ANKRD30BL: variants seen among roughly 807,000 people sequenced by gnomAD.
ANKRD30BL encodes putative ankyrin repeat domain-containing protein 30B-like.
ANKRD30BL carries 20 observed loss-of-function variants against 18.4 expected under a neutral mutation model. The observed-to-expected ratio is 1.09, with a 90% CI of 0.77 to 1.58. The LOEUF is 1.58. Ranked by LOEUF, ANKRD30BL falls within the 40% of genes most tolerant of loss-of-function variation. ANKRD30BL has a pLI of 0.00. For missense variants in ANKRD30BL, 224 were observed against 268.6 expected, an observed-to-expected ratio of 0.83 and a Z score of 1.16; for synonymous variants, 72 against 100.9, an observed-to-expected ratio of 0.71 and a Z score of 1.72.
intron 1 of ANKRD30BL, among the ~76,000 whole-genome samples, chr2:132,193,575 T>C (rs926469435): frequency 1.3e-5 from 2 of 152,030 alleles, no homozygotes; most frequent in African/African-American, 4.8e-5. Context: ...TAATCTACTA[T>C]TTGTATTACA....
At chr2:132,223,968 A>G (rs1249911736) in intron 1 of ANKRD30BL, among the ~76,000 whole-genome samples, 1 of 152,156 alleles carries the variant, frequency 6.6e-6, no homozygotes, top group Non-Finnish European at 1.5e-5. Flanking sequence ...ATATCTTCAC[A>G]TAAAAACTAG....
At chr2:132,211,809 A>T (rs1679359948) in intron 1 of ANKRD30BL, among the ~76,000 whole-genome samples, 1 of 150,392 alleles carries the variant, frequency 6.6e-6, no homozygotes, top group South Asian at 2.1e-4. Flanking sequence ...ACAGAGTTGA[A>T]CCTTTCTTTT....
chr2:132,215,192 C>G (rs1573850992), intron 1 of ANKRD30BL, among the ~76,000 whole-genome samples: 1 of 150,310 alleles, frequency 6.7e-6, no homozygotes, highest in Non-Finnish European at 1.5e-5. Flanking sequence ...TTCACATAAG[C>G]ACTAGACAGA....
intron 1 of ANKRD30BL, among the ~76,000 whole-genome samples, chr2:132,254,266 C>T (rs1216619576): frequency 1.3e-5 from 2 of 152,168 alleles, no homozygotes; most frequent in African/African-American, 2.4e-5. Context: ...CACGACTCCG[C>T]CCATGCATGC....
upstream of ANKRD30BL, among the ~76,000 whole-genome samples, chr2:132,162,720 G>A (rs55908164): frequency 2.6e-5 from 4 of 151,802 alleles, no homozygotes; most frequent in East Asian, 5.8e-4. Flanking sequence ...GAGGGTAGCC[G>A]TGTGGCACAC....
At chr2:132,196,765 C>T (rs1678976882) in intron 1 of ANKRD30BL, among the ~76,000 whole-genome samples, 2 of 151,464 alleles carry the variant, frequency 1.3e-5, no homozygotes, top group South Asian at 4.2e-4. Context: ...CGAGATCATG[C>T]CACTGCACTT....
chr2:132,218,721 C>A (rs1053813744), intron 1 of ANKRD30BL, among the ~76,000 whole-genome samples: 32 of 151,596 alleles, frequency 2.1e-4, no homozygotes, highest in African/African-American at 7.8e-4. Flanking sequence ...TATCATAGAG[C>A]AGTTTTGAAA....
intron 1 of ANKRD30BL, among the ~76,000 whole-genome samples, chr2:132,194,583 T>C (rs7561000): frequency 0.11 from 17,122 of 152,200 alleles, 3,194 homozygotes; most frequent in African/African-American, 0.39. Context: ...AACCATGCTG[T>C]AGTCTCTTTC....
upstream of ANKRD30BL, among the ~76,000 whole-genome samples, chr2:132,165,779 T>C (rs1277948910): frequency 6.6e-6 from 1 of 151,690 alleles, no homozygotes; most frequent in African/African-American, 2.4e-5. Context: ...TTTTTTTTTT[T>C]TACATATAGT....
At chr2:132,154,261 A>G (rs1687842081) in intron 4 of ANKRD30BL, among the ~76,000 whole-genome samples, 1 of 152,218 alleles carries the variant, frequency 6.6e-6, no homozygotes. Context: ...TACCATGCCC[A>G]GCAAATATTG....
At chr2:132,201,549 C>A (rs986467337) in intron 1 of ANKRD30BL, among the ~76,000 whole-genome samples, 12 of 152,222 alleles carry the variant, frequency 7.9e-5, no homozygotes, top group Non-Finnish European at 1.2e-4. Flanking sequence ...AAATGCTCAT[C>A]ATCACTGGCC....
In ANKRD30BL at chr2:132,247,090, T is replaced by G. The variant is rs541898739; in HGVS notation, n.441+10439A>C. ...GAGCAGTTTTGAAACTCTCTTTTTG[T>G]AGAATCTGCAAGTGGACATTTGGAG... On this transcript the variant is annotated intron_variant and non_coding_transcript_variant, in intron 1 of 4. Coordinates refer to the ANKRD30BL transcript ENST00000470729. 6.1e-4 allele frequency among the ~76,000 whole-genome samples: 93 copies of G among 151,798 alleles called. 1 individual carries two copies. The highest frequency in any genetic ancestry group is 2.1e-3 in the African/African-American group (86 of 41,422).
At chr2:132,174,087 T>A (rs1487283172) in intron 1 of ANKRD30BL, among the ~76,000 whole-genome samples, 1 of 152,214 alleles carries the variant, frequency 6.6e-6, no homozygotes, top group Non-Finnish European at 1.5e-5. Context: ...TTCTGAGACT[T>A]CTCTAAAGGG....
At chr2:132,239,596 A>C (rs538274250) in intron 1 of ANKRD30BL, among the ~76,000 whole-genome samples, 1 of 152,000 alleles carries the variant, frequency 6.6e-6, no homozygotes, top group East Asian at 1.9e-4. Flanking sequence ...CTGCAAGTGG[A>C]TATGTGGATA....
intron 1 of ANKRD30BL, among the ~76,000 whole-genome samples, chr2:132,193,074 T>G (rs1274405493): frequency 6.6e-6 from 1 of 151,998 alleles, no homozygotes; most frequent in African/African-American, 2.4e-5. Flanking sequence ...ACGTTAACAC[T>G]CACAAGAAAG....
At chr2:132,242,504 G>A (rs1268877055) in intron 1 of ANKRD30BL, among the ~76,000 whole-genome samples, 2 of 151,336 alleles carry the variant, frequency 1.3e-5, no homozygotes, top group Admixed American at 6.6e-5. Context: ...TAGACATTTG[G>A]AGCGCTTTGT....
rs1164557020 is a variant in ANKRD30BL at position 132,147,813 on chromosome 2, G to A, written c.*318C>T. On this transcript the variant is annotated 3_prime_UTR_variant, in exon 6 of 6. Transcript: ENST00000409867. ...GGGGTATGAGCTGGAGTGGCAGGGTGAGTAGTTTCAGCGGGAAAGACAGTT... is the reference window on the plus strand; with the variant it reads ...GGGGTATGAGCTGGAGTGGCAGGGTAAGTAGTTTCAGCGGGAAAGACAGTT... 3 of 329,546 alleles carry A rather than the reference G, an allele frequency of 9.1e-6. No homozygotes were observed. Among genetic ancestry groups the A allele is most frequent in the African/African-American group, 6.3e-5 (3 of 47,320 alleles). The allele number at this position is 329,546 out of a possible 1,614,324, so 20.4% of individuals were successfully genotyped here. A position where few individuals can be genotyped will look rare whatever the true frequency, so the allele number is the denominator to read the frequency against.
At chr2:132,170,677 C>T (rs2104940750) in intron 1 of ANKRD30BL, among the ~76,000 whole-genome samples, 1 of 152,298 alleles carries the variant, frequency 6.6e-6, no homozygotes, top group East Asian at 1.9e-4. Context: ...CCTACTAAGT[C>T]CTCCACCTGT....
chr2:132,163,345 G>A (rs1326699115), upstream of ANKRD30BL, among the ~76,000 whole-genome samples: 1 of 151,946 alleles, frequency 6.6e-6, no homozygotes, highest in Non-Finnish European at 1.5e-5. Context: ...CAGCTACTTG[G>A]GAGATTGATT....
Sources: gnomAD v4.1 joint callset for allele counts (sites outside exome capture counted in the v4.1 genomes callset) on GRCh38, gnomAD v4.1.1 for gene constraint, MANE v1.5 for transcripts, NCBI Gene and HGNC (gene_info 2026-07-23, HGNC 2026-07-21) for gene names.